The following MIGA2 variants were observed in gnomAD, a reference collection of about 807,000 sequenced individuals.
The protein encoded by MIGA2 is mitoguardin 2.
In MIGA2, 36 loss-of-function variants were observed where a neutral mutation model predicts 69.9. The ratio of observed to expected loss-of-function variants is 0.52; its 90% CI spans 0.39 to 0.68. The LOEUF is 0.68. Among genes scored for constraint, MIGA2 ranks in the 30% least tolerant of loss-of-function variants. The probability of loss-of-function intolerance (pLI) is 0.00; values close to 1 mark genes in which losing one functional copy is unlikely to be tolerated. For missense variants in MIGA2, 660 were observed against 787.7 expected (o/e 0.84, Z 1.94); for synonymous variants, 333 against 349.2 (o/e 0.95, Z 0.52).
chr9:129,069,209 C>CTCGCTGGGCCACTT lies in MIGA2; in HGVS notation c.1458+81_1458+94dup. 2 of 1,561,064 alleles carry CTCGCTGGGCCACTT rather than the reference C, an allele frequency of 1.3e-6. No individual in the cohort carries two copies. Among genetic ancestry groups the CTCGCTGGGCCACTT allele is most frequent in the Admixed American group, 3.3e-5 (2 of 59,900 alleles). On this transcript the variant is annotated intron_variant, in intron 14 of 15. Transcript: ENST00000684074. The surrounding 1 kb of genome is among the most constrained non-coding windows in gnomAD (Gnocchi z 4.9). ...GGGGAGCGGAGCGGGTGCAGGGTGG[C>CTCGCTGGGCCACTT]TCGCTGGGCCACTTGGCCTTCACCG...
chr9:129,067,447 A>C, intron 11 of MIGA2: 2 of 312,378 alleles, frequency 6.4e-6, no homozygotes, highest in Non-Finnish European at 1.2e-5. Flanking sequence ...TTGAGGTCCA[A>C]GGTCACGGAG....
intron 2 of MIGA2, 66 bp downstream of exon 2, chr9:129,040,756 C>T (rs747772226): frequency 6.9e-7 from 1 of 1,450,198 alleles, no homozygotes; most frequent in Non-Finnish European, 9.5e-7. Flanking sequence ...AAGGGCTCCT[C>T]CGTGTCCAGG....
rs542656714 is a variant in MIGA2 at position 129,061,149 on chromosome 9, C to T, written c.895-82C>T. On this transcript the variant is annotated intron_variant, in intron 8 of 15. Coordinates refer to ENST00000684074, the MANE Select transcript of MIGA2 (RefSeq NM_001329990.2). This position sits in a 1 kb window ranked among gnomAD's most constrained non-coding sequence, Gnocchi z 5.0. Reference sequence around the variant, plus strand: ...AGGCACCTGGGGTGGCCGCTGTGGCCGACCAATGGGCAGGTGCCCTTGCGC... The same window carrying T: ...AGGCACCTGGGGTGGCCGCTGTGGCTGACCAATGGGCAGGTGCCCTTGCGC... 1.4e-5 allele frequency: 18 copies of T among 1,249,440 alleles called. No individual in the cohort carries two copies. Among genetic ancestry groups the T allele is most frequent in the South Asian group, 1.3e-4 (10 of 78,274 alleles). The allele number at this position is 1,249,440 out of a possible 1,614,324, so 77.4% of individuals were successfully genotyped here. A position where few individuals can be genotyped will look rare whatever the true frequency, so the allele number is the denominator to read the frequency against.
Position 129,063,648 on chromosome 9 carries a change from T to C in MIGA2, c.1170+17T>C, listed in dbSNP as rs750813278. The C allele has an allele frequency of 3.6e-6, 2 of 555,138 alleles. No individual in the cohort carries two copies. Among genetic ancestry groups the C allele is most frequent in the Non-Finnish European group, 6.3e-6 (2 of 316,808 alleles). The allele number at this position is 555,138 out of a possible 1,614,324, so 34.4% of individuals were successfully genotyped here. A position where few individuals can be genotyped will look rare whatever the true frequency, so the allele number is the denominator to read the frequency against. On this transcript the variant is annotated intron_variant, in intron 11 of 15. Transcript: ENST00000684074. ...GCTGAGAAGGTAGCAGGGGGTGGGG[T>C]GGGGGGGCAAATTATAAAATGCAAA... is the stretch of plus-strand genomic sequence containing the variant.
chr9:129,068,149 G>T lies in MIGA2; in HGVS notation c.1270-49G>T. The stretch of plus-strand genomic sequence containing the variant: ...TCCCCATCTGGAAAGTGGCCCCGAG[G>T]CTCCGGCAGTGCCCCCATGCATGAG... On this transcript the variant is annotated intron_variant, in intron 12 of 15. Transcript: ENST00000684074. The surrounding 1 kb of genome is among the most constrained non-coding windows in gnomAD (Gnocchi z 4.1). 1 of 1,613,154 alleles carries T rather than the reference G, an allele frequency of 6.2e-7. No individual in the cohort carries two copies. The highest frequency in any genetic ancestry group is 8.5e-7 in the Non-Finnish European group (1 of 1,179,868).
chr9:129,048,325 T>G, intron 3 of MIGA2, 102 bp from the exon 4 acceptor site: 1 of 1,004,136 alleles, frequency 1.0e-6, no homozygotes, highest in South Asian at 1.3e-5. Context: ...TCGGGACCGA[T>G]TCCCAGATGA....
intron 1 of MIGA2, among the ~76,000 whole-genome samples, chr9:129,038,708 G>A (rs562313758): frequency 6.0e-5 from 9 of 150,764 alleles, no homozygotes; most frequent in South Asian, 2.1e-4. Flanking sequence ...CTGAGATTCA[G>A]TTTCCTCATT....
At chr9:129,047,763 T>A (rs1044368755) in intron 3 of MIGA2, among the ~76,000 whole-genome samples, 1 of 151,964 alleles carries the variant, frequency 6.6e-6, no homozygotes, top group Non-Finnish European at 1.5e-5. Context: ...AGGGTCTCAC[T>A]CTGCTTCCCA....
At chr9:129,063,357 G>T in intron 10 of MIGA2, 41 bp downstream of exon 10, 5 of 1,607,840 alleles carry the variant, frequency 3.1e-6, no homozygotes, top group South Asian at 1.1e-5. Context: ...GGGAGGCAAG[G>T]GGTAGTCAGG....
rs764055035 is a variant in MIGA2, at chr9:129,048,553, G to GCCAGGGCT, written c.420+28_420+35dup. On this transcript the variant is annotated intron_variant, in intron 4 of 15. Coordinates refer to ENST00000684074, the MANE Select transcript of MIGA2 (RefSeq NM_001329990.2). ...AGTGTGGCCTCGGTGAGCAGCAGGT[G>GCCAGGGCT]CCAGGGCTCCAGGGCTCCAGGTCCG... 3.1e-6 allele frequency: 5 copies of GCCAGGGCT among 1,609,026 alleles called. No individual in the cohort carries two copies. The highest frequency in any genetic ancestry group is 1.7e-4 in the Middle Eastern group (1 of 6,048).
chr9:129,050,959 C>T (rs997763273), intron 6 of MIGA2, among the ~76,000 whole-genome samples: 2 of 151,930 alleles, frequency 1.3e-5, no homozygotes, highest in Middle Eastern at 3.4e-3. Flanking sequence ...CTGCAACCTC[C>T]GCCTCCCGGG....
At chr9:129,052,865 C>CTG (rs1845619019) in intron 6 of MIGA2, among the ~76,000 whole-genome samples, 1 of 152,174 alleles carries the variant, frequency 6.6e-6, no homozygotes, top group South Asian at 2.1e-4. Flanking sequence ...CCTTGAGTGC[C>CTG]TGCAGTTGCA....
rs760453879 is a variant in MIGA2, at chr9:129,041,694, C to G, written c.97-610C>G. On this transcript the variant is annotated intron_variant, in intron 2 of 15. Transcript: ENST00000684074. ...TAAAAGGGGTCAGTGCCCTCCCTGACAACTCACATGTTTGTGGCTGACTGG... is the reference window on the plus strand; with the variant it reads ...TAAAAGGGGTCAGTGCCCTCCCTGAGAACTCACATGTTTGTGGCTGACTGG... Among the ~76,000 whole-genome samples, 168 of 152,276 alleles carry G rather than the reference C, an allele frequency of 1.1e-3. 1 individual carries two copies. The highest frequency in any genetic ancestry group is 2.2e-3 in the Non-Finnish European group (147 of 68,022).
intron 6 of MIGA2, among the ~76,000 whole-genome samples, chr9:129,053,558 A>G (rs1429011728): frequency 6.6e-6 from 1 of 151,610 alleles, no homozygotes; most frequent in Non-Finnish European, 1.5e-5. Flanking sequence ...GTAGAGATGG[A>G]GTTTCACCAT....
chr9:129,069,165 G>A lies in MIGA2; in HGVS notation c.1458+36G>A. 1 of 1,613,140 alleles carries A rather than the reference G, an allele frequency of 6.2e-7. No individual in the cohort carries two copies. The highest frequency in any genetic ancestry group is 8.5e-7 in the Non-Finnish European group (1 of 1,179,742). ...GGCAGGCCCGGGGGAGCACGAGCTG[G>A]GCTCTGAGGCAGCGTGGTGGGGAGC... On this transcript the variant is annotated intron_variant, in intron 14 of 15. Transcript: ENST00000684074. The surrounding 1 kb of genome is among the most constrained non-coding windows in gnomAD (Gnocchi z 4.9).
chr9:129,066,524 A>G (rs894828914), intron 11 of MIGA2, among the ~76,000 whole-genome samples: 8 of 151,126 alleles, frequency 5.3e-5, no homozygotes, highest in Non-Finnish European at 8.8e-5. Flanking sequence ...AATACAAAAA[A>G]TTAGCTGGGC....
chr9:129,061,438 G>A lies in MIGA2; in HGVS notation c.1010+92G>A, dbSNP rs1472881579. ...GGCGGAGAAGCCAGCGGTGCTTGGC[G>A]AGGACTTAGCCTGAGTGAGTCCAGG... On this transcript the variant is annotated intron_variant, in intron 9 of 15. Coordinates refer to ENST00000684074, the MANE Select transcript of MIGA2 (RefSeq NM_001329990.2). The surrounding 1 kb of genome is among the most constrained non-coding windows in gnomAD (Gnocchi z 5.0). 1 of 1,201,804 alleles carries A rather than the reference G, an allele frequency of 8.3e-7. No homozygotes were observed. Among genetic ancestry groups the A allele is most frequent in the South Asian group, 1.4e-5 (1 of 69,746 alleles). The allele number at this position is 1,201,804 out of a possible 1,614,324, so 74.4% of individuals were successfully genotyped here.
chr9:129,066,119 C>T (rs1846327624), intron 11 of MIGA2, among the ~76,000 whole-genome samples: 1 of 152,196 alleles, frequency 6.6e-6, no homozygotes, highest in African/African-American at 2.4e-5. Context: ...TCATTCGAGC[C>T]TCACTGCAAT....
intron 3 of MIGA2, among the ~76,000 whole-genome samples, chr9:129,046,613 A>G (rs1845237814): frequency 6.6e-6 from 1 of 151,666 alleles, no homozygotes; most frequent in Non-Finnish European, 1.5e-5. Context: ...ATGCCTGGCT[A>G]ATTTTATGTT....
Sources: gnomAD v4.1 joint callset for allele counts (sites outside exome capture counted in the v4.1 genomes callset) on GRCh38, gnomAD v4.1.1 for gene constraint, Gnocchi (gnomAD v3.1) non-coding constraint, MANE v1.5 for transcripts, NCBI Gene and HGNC (gene_info 2026-07-23, HGNC 2026-07-21) for gene names.